Variants in SLC8A1 observed in about 807,000 individuals in gnomAD.
SLC8A1 encodes the protein solute carrier family 8 member A1, also known as sodium/calcium exchanger 1.
SLC8A1 carries 18 observed loss-of-function variants against 68.3 expected under a neutral mutation model. The observed-to-expected ratio is 0.26, with a 90% CI of 0.18 to 0.39. The LOEUF (loss-of-function observed/expected upper bound fraction) is 0.39, where lower values mean the gene tolerates loss of function less well. Among genes scored for constraint, SLC8A1 ranks in the 10% least tolerant of loss-of-function variants. The pLI, the probability that SLC8A1 is intolerant of heterozygous loss-of-function variation, is 1.00. For missense variants in SLC8A1, 985 were observed against 1,156.7 expected (o/e 0.85, Z 2.15); for synonymous variants, 475 against 415.5 (o/e 1.14, Z -1.74).
intron 2 of SLC8A1, among the ~76,000 whole-genome samples, chr2:40,415,736 G>A (rs924106336): frequency 6.6e-6 from 1 of 151,970 alleles, no homozygotes; most frequent in East Asian, 1.9e-4. Flanking sequence ...CCAGCACTTT[G>A]GGAGGCCGAG....
At chr2:40,347,772 CAA>C (rs1359539212) in intron 2 of SLC8A1, among the ~76,000 whole-genome samples, 2 of 152,112 alleles carry the variant, frequency 1.3e-5, no homozygotes, top group African/African-American at 4.8e-5. Flanking sequence ...TAATGACCAA[CAA>C]AAGAGATCTT....
intron 7 of SLC8A1, among the ~76,000 whole-genome samples, chr2:40,138,834 G>T (rs1370538430): frequency 6.6e-6 from 1 of 152,138 alleles, no homozygotes; most frequent in Admixed American, 6.6e-5. Flanking sequence ...ATGCATGAAG[G>T]GATGTTCATG....
intron 2 of SLC8A1, among the ~76,000 whole-genome samples, chr2:40,309,502 C>CTT (rs34863585): frequency 0.2 from 24,170 of 123,120 alleles, 3,097 homozygotes; most frequent in East Asian, 0.34. Flanking sequence ...GAATATTTTA[C>CTT]TTTTTTTTTT....
At chr2:40,180,209 G>A (rs1241702881) in intron 2 of SLC8A1, among the ~76,000 whole-genome samples, 1 of 128,964 alleles carries the variant, frequency 7.8e-6, no homozygotes, top group African/African-American at 2.9e-5. Flanking sequence ...CTGACTTTTA[G>A]AATTATTTTT....
intron 2 of SLC8A1, among the ~76,000 whole-genome samples, chr2:40,397,540 A>C (rs1455762707): frequency 6.6e-6 from 1 of 152,194 alleles, no homozygotes; most frequent in Non-Finnish European, 1.5e-5. Flanking sequence ...TACGCACTTG[A>C]AAGTTTTCAT....
upstream of SLC8A1, chr2:40,453,345 G>C (rs1559739978): frequency 6.6e-6 from 1 of 152,254 alleles, no homozygotes; most frequent in East Asian, 1.9e-4. Context: ...GGGAGAAGGA[G>C]GGACCTGCAG....
intron 2 of SLC8A1, among the ~76,000 whole-genome samples, chr2:40,412,921 C>CT (rs2149707159): frequency 6.6e-6 from 1 of 151,966 alleles, no homozygotes; most frequent in East Asian, 1.9e-4. Context: ...TTTTATTATA[C>CT]TTTAAGTTTT....
rs141438622 is a variant in SLC8A1 at position 40,441,485 on chromosome 2, G to T, written c.-25+10419C>A. ...TCCTAAGCAAAAAGAACAAAGCTGG[G>T]GGCATCACACTACCTGACTTCAAAC... On this transcript the variant is annotated intron_variant, in intron 1 of 7. Transcript: ENST00000406785. 3.3e-3 allele frequency among the ~76,000 whole-genome samples: 505 copies of T among 151,728 alleles called. 4 individuals are homozygous for T. The highest frequency in any genetic ancestry group is 0.011 in the African/African-American group (468 of 41,464).
At chr2:40,403,996 C>A (rs1048807556) in intron 2 of SLC8A1, among the ~76,000 whole-genome samples, 2 of 152,118 alleles carry the variant, frequency 1.3e-5, no homozygotes, top group Non-Finnish European at 2.9e-5. Context: ...CATGGATTTG[C>A]AGATACACTG....
At chr2:40,333,368 G>A (rs1390841607) in intron 2 of SLC8A1, among the ~76,000 whole-genome samples, 3 of 150,372 alleles carry the variant, frequency 2.0e-5, no homozygotes, top group South Asian at 2.1e-4. Context: ...AACCCGGGAG[G>A]TGGAGGTTGC....
intron 6 of SLC8A1, among the ~76,000 whole-genome samples, chr2:40,141,408 A>G (rs1013245758): frequency 5.3e-5 from 8 of 152,214 alleles, no homozygotes; most frequent in Admixed American, 2.6e-4. Context: ...TCATGAGCAC[A>G]TGGTTGGAAT....
At chr2:40,508,900 C>A (rs932474448) in intron 1 of SLC8A1, among the ~76,000 whole-genome samples, 6 of 152,050 alleles carry the variant, frequency 3.9e-5, no homozygotes, top group Non-Finnish European at 5.9e-5. Context: ...CTTGTCTGGA[C>A]CCCACTAACA....
chr2:40,177,793 A>C, exon 3 of SLC8A1: 7 of 1,551,224 alleles, frequency 4.5e-6, no homozygotes, highest in Non-Finnish European at 6.1e-6. Flanking sequence ...CTCAAGCACA[A>C]GGGAGAAACT....
chr2:40,478,129 C>T (rs1704404521), intron 1 of SLC8A1, among the ~76,000 whole-genome samples: 1 of 151,894 alleles, frequency 6.6e-6, no homozygotes, highest in African/African-American at 2.4e-5. Flanking sequence ...ATTCTGTTTT[C>T]TGAAAATACT....
intron 2 of SLC8A1, among the ~76,000 whole-genome samples, chr2:40,191,697 A>G (rs912249158): frequency 6.6e-6 from 1 of 152,178 alleles, no homozygotes; most frequent in African/African-American, 2.4e-5. Flanking sequence ...TAATTACAGG[A>G]TTCTGATGAG....
intron 2 of SLC8A1, among the ~76,000 whole-genome samples, chr2:40,289,888 A>C (rs541267715): frequency 6.6e-6 from 1 of 152,074 alleles, no homozygotes; most frequent in Non-Finnish European, 1.5e-5. Flanking sequence ...AAATTAAATT[A>C]AATTAAAAAA....
intron 1 of SLC8A1, among the ~76,000 whole-genome samples, chr2:40,431,359 T>G (rs1018969201): frequency 6.6e-6 from 1 of 152,000 alleles, no homozygotes; most frequent in Non-Finnish European, 1.5e-5. Flanking sequence ...AATTAGCTCA[T>G]GTGGCATGAC....
intron 4 of SLC8A1, among the ~76,000 whole-genome samples, chr2:40,167,677 T>C (rs768072778): frequency 3.3e-5 from 5 of 152,202 alleles, no homozygotes; most frequent in Non-Finnish European, 7.3e-5. Flanking sequence ...TGGACAAGCT[T>C]CACAATTTTC....
chr2:40,428,873 C>CA lies in SLC8A1; in HGVS notation c.1407dup (p.Asp470Ter), dbSNP rs756600353. 6.2e-7 allele frequency: 1 copy of CA among 1,613,802 alleles called. No individual in the cohort carries two copies. Among genetic ancestry groups the CA allele is most frequent in the Non-Finnish European group, 8.5e-7 (1 of 1,179,888 alleles). ...CCCACTCTGATTTCCTTCTGGGTAT[C>CA]ACCAGGCTTAAACACCACAGTTCCT... On this transcript the variant is annotated frameshift_variant, in exon 2 of 8. Transcript: ENST00000406785. LOFTEE classifies it high-confidence loss of function.
Sources: gnomAD v4.1 joint callset for allele counts (sites outside exome capture counted in the v4.1 genomes callset) on GRCh38, gnomAD v4.1.1 for gene constraint, MANE v1.5 for transcripts, NCBI Gene and HGNC (gene_info 2026-07-23, HGNC 2026-07-21) for gene names.